The following WFDC10B variants were observed in gnomAD, a reference collection of about 807,000 sequenced individuals.
The protein encoded by WFDC10B is WAP four-disulfide core domain 10B, also known as protein WFDC10B.
In WFDC10B, 1 loss-of-function variant was observed where a neutral mutation model predicts 2.7. The ratio of observed to expected loss-of-function variants is 0.38; its 90% CI spans 0.13 to 1.79. WFDC10B has a LOEUF of 1.79. Ranked by LOEUF, WFDC10B falls within the 40% of genes most tolerant of loss-of-function variation. The pLI is 0.33. For missense variants in WFDC10B, 71 were observed against 87.8 expected, an observed-to-expected ratio of 0.81 and a Z score of 0.76; for synonymous variants, 26 against 32.2, an observed-to-expected ratio of 0.81 and a Z score of 0.65.
chr20:45,701,289 TA>T (rs1253843387), intron 2 of WFDC10B, among the ~76,000 whole-genome samples: 1 of 152,132 alleles, frequency 6.6e-6, no homozygotes, highest in African/African-American at 2.4e-5. Context: ...TAAACGCCTA[TA>T]GGGGAGGACT....
intron 2 of WFDC10B, among the ~76,000 whole-genome samples, chr20:45,697,975 C>G (rs1190211304): frequency 6.6e-6 from 1 of 151,940 alleles, no homozygotes; most frequent in Non-Finnish European, 1.5e-5. Flanking sequence ...AACTCCTGGC[C>G]TCAGGTGATC....
intron 2 of WFDC10B, among the ~76,000 whole-genome samples, chr20:45,695,903 GAAAACAC>G (rs1196781720): frequency 8.6e-5 from 13 of 151,938 alleles, no homozygotes; most frequent in Non-Finnish European, 1.2e-4. Context: ...GAATGAAAAT[GAAAACAC>G]AAAACACAAC....
intron 2 of WFDC10B, among the ~76,000 whole-genome samples, chr20:45,699,355 T>C (rs1231041319): frequency 6.6e-6 from 1 of 152,200 alleles, no homozygotes; most frequent in Non-Finnish European, 1.5e-5. Flanking sequence ...TTATTTGCAA[T>C]TGCCAAAGCA....
At chr20:45,693,145 T>A (rs1983868752) in intron 2 of WFDC10B, among the ~76,000 whole-genome samples, 1 of 152,152 alleles carries the variant, frequency 6.6e-6, no homozygotes, top group Admixed American at 6.5e-5. Flanking sequence ...AACAGTGGTT[T>A]TTCGTGAACC....
At chr20:45,703,718 A>G (rs752305375) in intron 2 of WFDC10B, among the ~76,000 whole-genome samples, 7 of 152,154 alleles carry the variant, frequency 4.6e-5, no homozygotes, top group Admixed American at 2.6e-4. Flanking sequence ...ACTTGGGGGT[A>G]GGGGAGGAAA....
chr20:45,690,188 G>A (rs954170148), intron 2 of WFDC10B, among the ~76,000 whole-genome samples: 8 of 150,572 alleles, frequency 5.3e-5, no homozygotes, highest in African/African-American at 1.7e-4. Context: ...CAGGGATGAA[G>A]CCCACTTGAT....
chr20:45,701,933 G>A (rs531536580), intron 2 of WFDC10B: 9 of 585,230 alleles, frequency 1.5e-5, no homozygotes, highest in East Asian at 2.8e-5. Flanking sequence ...AAAACACTAC[G>A]TGACCCTGGA....
At chr20:45,690,234 C>A (rs915302025) in intron 2 of WFDC10B, among the ~76,000 whole-genome samples, 1 of 148,454 alleles carries the variant, frequency 6.7e-6, no homozygotes, top group Non-Finnish European at 1.5e-5. Flanking sequence ...CTGCTGGATT[C>A]GGTTTGCTAG....
intron 2 of WFDC10B, among the ~76,000 whole-genome samples, chr20:45,696,799 C>G (rs1983992744): frequency 6.6e-6 from 1 of 152,058 alleles, no homozygotes; most frequent in South Asian, 2.1e-4. Flanking sequence ...AAAAGAATGC[C>G]TAGGGCTAGA....
rs533583583 is a variant in WFDC10B, at chr20:45,688,766, C to T, written c.-64-2710G>A. Among the ~76,000 whole-genome samples the T allele has an allele frequency of 5.5e-3, 841 of 152,234 alleles. 6 individuals are homozygous for T. Among genetic ancestry groups the T allele is most frequent in the African/African-American group, 0.019 (800 of 41,536 alleles). On this transcript the variant is annotated intron_variant, in intron 2 of 3. Coordinates refer to ENST00000330523, the MANE Select transcript of WFDC10B (RefSeq NM_172006.2). Reference sequence around the variant, plus strand: ...AGCCCTTTGTCAGATGAGTAGGTTGCGAAAATTTTCTCCCATTTTATGGGT... The same window carrying T: ...AGCCCTTTGTCAGATGAGTAGGTTGTGAAAATTTTCTCCCATTTTATGGGT...
intron 2 of WFDC10B, among the ~76,000 whole-genome samples, chr20:45,697,732 A>ATTTC (rs1239317557): frequency 7.2e-6 from 1 of 139,122 alleles, no homozygotes; most frequent in Non-Finnish European, 1.6e-5. Context: ...TCCAACAGGT[A>ATTTC]TTTCTTTTTC....
At chr20:45,702,256 A>G (rs771097394) in intron 2 of WFDC10B, 3 of 1,565,430 alleles carry the variant, frequency 1.9e-6, no homozygotes, top group Non-Finnish European at 2.6e-6. Context: ...ACATGTGTGG[A>G]TAGGAGAGGA....
At chr20:45,688,590 C>T (rs1203332378) in intron 2 of WFDC10B, among the ~76,000 whole-genome samples, 6 of 152,060 alleles carry the variant, frequency 3.9e-5, no homozygotes, top group African/African-American at 1.4e-4. Flanking sequence ...CTCTGATGGC[C>T]AGTGATGGTG....
intron 2 of WFDC10B, among the ~76,000 whole-genome samples, chr20:45,694,192 A>G (rs1983913485): frequency 1.3e-5 from 2 of 152,202 alleles, no homozygotes; most frequent in Non-Finnish European, 2.9e-5. Context: ...TGATTTTGTC[A>G]TGAAATCTTT....
At chr20:45,689,496 T>G (rs997008385) in intron 2 of WFDC10B, among the ~76,000 whole-genome samples, 27 of 152,304 alleles carry the variant, frequency 1.8e-4, no homozygotes, top group Admixed American at 1.0e-3. Context: ...TTCCATTTGT[T>G]TGTATCCTCT....
intron 3 of WFDC10B, among the ~76,000 whole-genome samples, chr20:45,685,690 G>T (rs1326506633): frequency 6.6e-6 from 1 of 152,196 alleles, no homozygotes; most frequent in Non-Finnish European, 1.5e-5. Context: ...AACAAAAGAT[G>T]TAGGTTCCCC....
intron 2 of WFDC10B, among the ~76,000 whole-genome samples, chr20:45,698,559 C>T (rs569036160): frequency 1.3e-5 from 2 of 149,600 alleles, no homozygotes; most frequent in South Asian, 2.1e-4. Flanking sequence ...TATTAAAGAA[C>T]TCTTATGACT....
intron 1 of WFDC10B, 87 bp downstream of exon 1, chr20:45,704,829 ACT>A: frequency 7.0e-7 from 1 of 1,430,270 alleles, no homozygotes; most frequent in South Asian, 1.2e-5. Context: ...TGAATTTCTG[ACT>A]CTGCCTCTCT....
intron 2 of WFDC10B, among the ~76,000 whole-genome samples, chr20:45,700,228 AAAC>A (rs931582346): frequency 1.3e-5 from 2 of 152,226 alleles, no homozygotes; most frequent in Admixed American, 6.5e-5. Context: ...TGTTAAATGA[AAAC>A]AACAAGGTGC....
Sources: allele counts gnomAD v4.1 joint callset (sites outside exome capture counted in the v4.1 genomes callset), GRCh38; gene constraint gnomAD v4.1.1; transcripts MANE v1.5; gene names NCBI Gene and HGNC (gene_info 2026-07-23, HGNC 2026-07-21).